PPIL6: variants seen among roughly 807,000 people sequenced by gnomAD.
The protein encoded by PPIL6 is probable inactive peptidyl-prolyl cis-trans isomerase-like 6.
Under a neutral mutation model 36.8 loss-of-function variants are expected in PPIL6, and 39 were observed. That is an observed-to-expected ratio of 1.06 (90% CI 0.82 to 1.38). PPIL6 has a LOEUF of 1.38. PPIL6 is among the 40% of genes most tolerant of loss of function. PPIL6 has a pLI of 0.00. For synonymous variants in PPIL6, 123 were observed against 134.1 expected (o/e 0.92, Z 0.57); for missense variants, 368 against 379.1 (o/e 0.97, Z 0.24).
intron 6 of PPIL6, chr6:109,404,824 T>G (rs915991806): frequency 6.3e-6 from 1 of 157,502 alleles, no homozygotes; most frequent in African/African-American, 2.4e-5. Context: ...GAGGCCGAGG[T>G]GGGCAGATCA....
chr6:109,435,016 A>G (rs1774368004), intron 2 of PPIL6, among the ~76,000 whole-genome samples: 1 of 152,198 alleles, frequency 6.6e-6, no homozygotes, highest in Non-Finnish European at 1.5e-5. Flanking sequence ...CAACTAGGAC[A>G]GGGTTGCCCT....
intron 5 of PPIL6, among the ~76,000 whole-genome samples, chr6:109,424,223 G>A (rs1162661629): frequency 2.0e-5 from 3 of 152,122 alleles, no homozygotes; most frequent in East Asian, 3.9e-4. Context: ...TGGGGTTGGG[G>A]GCAGGGGGTG....
At chr6:109,425,480 G>A (rs1773763392) in intron 5 of PPIL6, among the ~76,000 whole-genome samples, 1 of 152,184 alleles carries the variant, frequency 6.6e-6, no homozygotes, top group African/African-American at 2.4e-5. Flanking sequence ...TGGGTGTGGT[G>A]GCTCATGCCT....
upstream of PPIL6, chr6:109,440,872 G>A: frequency 1.9e-6 from 1 of 538,930 alleles, no homozygotes; most frequent in Non-Finnish European, 3.2e-6. Context: ...TACCGAGCCT[G>A]GGCGCCCGGA....
rs371158486 is a variant in PPIL6, at chr6:109,436,101, T to A, written c.231+3A>T. ...TATCCCCCACACCCCAAATATCCTT[T>A]ACCCTTTTTTTCTCCTGTAGATATT... On this transcript the variant is annotated splice_donor_region_variant and intron_variant, in intron 2 of 7. Transcript: ENST00000521072. The A allele has an allele frequency of 6.0e-6, 9 of 1,496,750 alleles. No individual in the cohort carries two copies. The highest frequency in any genetic ancestry group is 8.4e-6 in the Non-Finnish European group (9 of 1,073,984). 92.7% of individuals were successfully genotyped at this position (1,496,750 alleles called of 1,614,324 possible).
chr6:109,404,955 G>A (rs1053402929), intron 6 of PPIL6: 13 of 289,182 alleles, frequency 4.5e-5, no homozygotes, highest in African/African-American at 2.8e-4. Context: ...TCAGGAGGCT[G>A]AGGCAGGAGA....
chr6:109,402,842 G>A lies in PPIL6; in HGVS notation c.689-2672C>T, dbSNP rs188664463. ...CCAGGGCCTACGGAAATCGCTCAGT[G>A]GTCATGCCGTAACTGGCCTACTTGG... On this transcript the variant is annotated intron_variant, in intron 6 of 7. Coordinates refer to ENST00000521072, the MANE Select transcript of PPIL6 (RefSeq NM_173672.5). Among the ~76,000 whole-genome samples the A allele has an allele frequency of 7.9e-5, 12 of 151,902 alleles. No individual in the cohort carries two copies. In the East Asian group the frequency reaches 2.3e-3, roughly 29 times the overall value.
chr6:109,434,193 T>A (rs922196152), intron 2 of PPIL6, among the ~76,000 whole-genome samples: 6 of 152,090 alleles, frequency 3.9e-5, no homozygotes, highest in Admixed American at 6.5e-5. Context: ...AATTCCCACA[T>A]CCTAGGAAAC....
At position 109,440,313 on chromosome 6, in the gene PPIL6, C is replaced by T. The variant is rs188478136; in HGVS notation, c.135+143G>A. On this transcript the variant is annotated intron_variant, in intron 1 of 7. Coordinates refer to ENST00000521072, the MANE Select transcript of PPIL6 (RefSeq NM_173672.5). ...CTCCCGGTCCTCCAGACGGAGCCCG[C>T]CCGGCCAGGACACGCCAGCCCCTTC... is the stretch of plus-strand genomic sequence containing the variant. The T allele has an allele frequency of 3.6e-3, 3,919 of 1,093,468 alleles. 110 individuals are homozygous for T. In the African/African-American group the frequency reaches 0.056, roughly 16 times the overall value. The allele number at this position is 1,093,468 out of a possible 1,614,324, so 67.7% of individuals were successfully genotyped here. A position where few individuals can be genotyped will look rare whatever the true frequency, so the allele number is the denominator to read the frequency against.
intron 6 of PPIL6, among the ~76,000 whole-genome samples, chr6:109,406,790 A>C (rs1205049572): frequency 6.6e-6 from 1 of 152,160 alleles, no homozygotes; most frequent in Non-Finnish European, 1.5e-5. Flanking sequence ...TATCATTATA[A>C]ACTCACAGAT....
chr6:109,417,707 T>C (rs1773336072), intron 6 of PPIL6, among the ~76,000 whole-genome samples: 1 of 152,070 alleles, frequency 6.6e-6, no homozygotes, highest in African/African-American at 2.4e-5. Context: ...AGCAAAACAA[T>C]CACAAAGAAC....
At position 109,400,026 on chromosome 6, in the gene PPIL6, T is replaced by C; in HGVS notation, c.824+9A>G. 1.9e-6 allele frequency: 3 copies of C among 1,601,944 alleles called. No homozygotes were observed. Among genetic ancestry groups the C allele is most frequent in the Non-Finnish European group, 2.6e-6 (3 of 1,170,694 alleles). ...GAATATTATATAAATAGATCTACAATATACATACCCAAAAGCCACAAATTT... is the reference window on the plus strand; with the variant it reads ...GAATATTATATAAATAGATCTACAACATACATACCCAAAAGCCACAAATTT... On this transcript the variant is annotated intron_variant, in intron 7 of 7. Transcript: ENST00000521072.
intron 6 of PPIL6, among the ~76,000 whole-genome samples, chr6:109,412,942 G>A (rs1773078417): frequency 6.6e-6 from 1 of 151,930 alleles, no homozygotes; most frequent in Non-Finnish European, 1.5e-5. Flanking sequence ...GGTGGATCAC[G>A]AGGTCAGGAG....
intron 5 of PPIL6, 91 bp downstream of exon 5, chr6:109,426,755 CT>C: frequency 1.2e-6 from 1 of 854,144 alleles, no homozygotes; most frequent in Non-Finnish European, 1.7e-6. Flanking sequence ...TTAAGTATAT[CT>C]AATTCTACAT....
At chr6:109,407,366 A>G (rs1251707580) in intron 6 of PPIL6, among the ~76,000 whole-genome samples, 8 of 151,490 alleles carry the variant, frequency 5.3e-5, no homozygotes, top group African/African-American at 1.9e-4. Context: ...CAGCCTCCCG[A>G]GTATCTGGGA....
intron 1 of PPIL6, 104 bp from the exon 2 acceptor site, chr6:109,436,303 A>T: frequency 2.9e-6 from 2 of 681,426 alleles, no homozygotes; most frequent in Non-Finnish European, 5.2e-6. Context: ...ATACAACACA[A>T]GCCCAGGCCA....
At chr6:109,428,363 C>A (rs1192373190) in intron 3 of PPIL6, among the ~76,000 whole-genome samples, 1 of 151,924 alleles carries the variant, frequency 6.6e-6, no homozygotes, top group East Asian at 1.9e-4. Context: ...CCAGCCTGGG[C>A]AACATGGTGA....
rs757388157 is a variant in PPIL6, at chr6:109,431,311, G to A, written c.266C>T (p.Ser89Phe). The A allele has an allele frequency of 6.3e-7, 1 of 1,591,718 alleles. No individual in the cohort carries two copies. The highest frequency in any genetic ancestry group is 8.5e-7 in the Non-Finnish European group (1 of 1,169,804). The change falls in exon 3 of 8, where the codon TCT becomes TTT. Residue 89 changes from serine to phenylalanine, a missense_variant. Transcript: ENST00000521072. ...LKNETWEYSSSVISFVNGQFL... is the reference protein window; with the variant it reads ...LKNETWEYSSFVISFVNGQFL... ...CTGACCATTAACAAAAGAAATCACA[G>A]AGGAAGAATATTCCCAGGTTTCATT...
At position 109,426,824 on chromosome 6, in the gene PPIL6, C is replaced by T. The variant is rs371125313; in HGVS notation, c.631+23G>A. The T allele has an allele frequency of 1.4e-5, 21 of 1,452,552 alleles. No individual in the cohort carries two copies. In the South Asian group the frequency reaches 2.4e-4, roughly 17 times the overall value. 90.0% of individuals were successfully genotyped at this position (1,452,552 alleles called of 1,614,324 possible). A position where few individuals can be genotyped will look rare whatever the true frequency, so the allele number is the denominator to read the frequency against. On this transcript the variant is annotated intron_variant, in intron 5 of 7. Coordinates refer to ENST00000521072, the MANE Select transcript of PPIL6 (RefSeq NM_173672.5). ...TTCTCATTTGATATTGCAATTAACT[C>T]GTATTTAAGATTTTAAACTTACCCC...
Sources: allele counts gnomAD v4.1 joint callset (sites outside exome capture counted in the v4.1 genomes callset), GRCh38; gene constraint gnomAD v4.1.1; transcripts MANE v1.5; gene names NCBI Gene and HGNC (gene_info 2026-07-23, HGNC 2026-07-21).